The following CD163 variants were observed in gnomAD, a reference collection of about 807,000 sequenced individuals.
CD163 encodes the protein CD163 molecule.
CD163 carries 64 observed loss-of-function variants against 129.2 expected under a neutral mutation model. That is an observed-to-expected ratio of 0.50 (90% CI 0.41 to 0.61). CD163 has a LOEUF of 0.61. Among genes scored for constraint, CD163 ranks in the 20% least tolerant of loss-of-function variants. The pLI is 0.00. For missense variants in CD163, 1,061 were observed against 1,377.9 expected (o/e 0.77, Z 3.64); for synonymous variants, 446 against 478.5 (o/e 0.93, Z 0.89).
Position 7,471,203 on chromosome 12 carries a change from A to G in CD163, c.*226T>C, listed in dbSNP as rs996558621. On this transcript the variant is annotated 3_prime_UTR_variant, in exon 17 of 17. Coordinates refer to ENST00000432237, the MANE Select transcript of CD163 (RefSeq NM_203416.4). ...AATAACATTCTTATTTATTTATTTA[A>G]TTCCCTTGAAAGTCTCATATACACC... 4 of 152,326 alleles carry G rather than the reference A, an allele frequency of 2.6e-5. No homozygotes were observed. Among genetic ancestry groups the G allele is most frequent in the Non-Finnish European group, 4.4e-5 (3 of 68,016 alleles). 9.4% of individuals were successfully genotyped at this position (152,326 alleles called of 1,614,324 possible). A position where few individuals can be genotyped will look rare whatever the true frequency, so the allele number is the denominator to read the frequency against.
intron 6 of CD163, 85 bp from the exon 7 acceptor site, chr12:7,488,172 T>C: frequency 1.4e-6 from 2 of 1,392,126 alleles, no homozygotes; most frequent in Non-Finnish European, 1.9e-6. Flanking sequence ...TGGTGTGGAG[T>C]GGGAAATGGA....
intron 3 of CD163, among the ~76,000 whole-genome samples, chr12:7,500,421 C>CA (rs71953455): frequency 0.039 from 2,481 of 64,038 alleles, 168 homozygotes; most frequent in African/African-American, 0.12. Flanking sequence ...CAATTCGTCC[C>CA]AAAAAAAAAA....
intron 6 of CD163, among the ~76,000 whole-genome samples, chr12:7,490,114 A>G (rs1949308185): frequency 6.6e-6 from 1 of 152,052 alleles, no homozygotes; most frequent in Non-Finnish European, 1.5e-5. Context: ...ACCCAAAAAT[A>G]GAAATATGTA....
intron 12 of CD163, 133 bp from the exon 13 acceptor site, chr12:7,483,137 T>G: frequency 2.2e-6 from 2 of 930,012 alleles, no homozygotes; most frequent in Non-Finnish European, 3.3e-6. Flanking sequence ...ACTAGAGTCC[T>G]CTAGTCTTTC....
rs1238758995 is a variant in CD163 at position 7,499,116 on chromosome 12, T to G, written c.530A>C (p.Gln177Pro). 6.2e-7 allele frequency: 1 copy of G among 1,614,086 alleles called. No individual in the cohort carries two copies. The highest frequency in any genetic ancestry group is 1.7e-5 in the Admixed American group (1 of 60,018). The change falls in exon 4 of 17, where the codon CAA (glutamine) becomes CCA (proline). Residue 177 changes from glutamine to proline, a missense_variant. Gln to Pro is a moderately conservative substitution (Grantham distance 76). Transcript: ENST00000432237. ...ATCACACACTGTTCCCCACCGTCCT[T>G]GGAATTTGATCTCTATTCTTCCAGA... ...MCSGRIEIKF[Q>P]GRWGTVCDDN...
At chr12:7,495,453 CA>C in intron 5 of CD163, 52 bp from the exon 6 acceptor site, 1 of 1,529,120 alleles carries the variant, frequency 6.5e-7, no homozygotes, top group Non-Finnish European at 8.9e-7. Flanking sequence ...GGTTAGCTTC[CA>C]GAGGATTTTT....
At position 7,501,262 on chromosome 12, in the gene CD163, G is replaced by A. The variant is rs139475382; in HGVS notation, c.334C>T (p.Arg112Cys). ...CAAGAAACATGATCCATCCAAATGCGTCCAGAACCTGCACTGGAATTAGCC... is the reference window on the plus strand; with the variant it reads ...CAAGAAACATGATCCATCCAAATGCATCCAGAACCTGCACTGGAATTAGCC... Reference protein sequence around the residue: ...GWANSSAGSGRIWMDHVSCRG... With the variant: ...GWANSSAGSGCIWMDHVSCRG... The change falls in exon 3 of 17, where the codon CGC becomes TGC. Residue 112 changes from arginine (R) to cysteine (C), a missense_variant. Coordinates refer to ENST00000432237, the MANE Select transcript of CD163 (RefSeq NM_203416.4). 1.2e-5 allele frequency: 20 copies of A among 1,613,994 alleles called. No homozygotes were observed. The highest frequency in any genetic ancestry group is 4.0e-5 in the African/African-American group (3 of 74,904).
Position 7,498,983 on chromosome 12 carries a change from G to C in CD163, c.663C>G (p.Ile221Met). ...CGTTGCATATAAGATCATCAAACCA[G>C]ATTGGTCCAGAGCCTTCTCCAAAAT... The part of the protein sequence containing the change: ...SSNFGEGSGP[I>M]WFDDLICNGN... Residue 221 changes from isoleucine (I) to methionine (M), a missense_variant, in exon 4 of 17, where the codon ATC becomes ATG. Transcript: ENST00000432237. The C allele has an allele frequency of 6.2e-7, 1 of 1,614,064 alleles. No individual in the cohort carries two copies. Among genetic ancestry groups the C allele is most frequent in the Non-Finnish European group, 8.5e-7 (1 of 1,179,990 alleles).
chr12:7,499,425 CTTTCTGT>C (rs1226011385), intron 3 of CD163, among the ~76,000 whole-genome samples: 1 of 147,720 alleles, frequency 6.8e-6, no homozygotes, highest in Non-Finnish European at 1.5e-5. Context: ...AGTTTTTAAA[CTTTCTGT>C]TTTGTTTTGT....
Position 7,501,292 on chromosome 12 carries a change from C to A in CD163, c.304G>T (p.Gly102Ter). Residue 102 changes from glycine to a stop codon, truncating the protein, a stop_gained, in exon 3 of 17, where the codon GGA (glycine) becomes TGA (stop). Transcript: ENST00000432237. LOFTEE classifies it high-confidence loss of function. ...GAACCTGCACTGGAATTAGCCCATC[C>A]AGGGGCTTTGATAGCAGTTGGACAT... The part of the protein sequence containing the change: ...LGCPTAIKAP[G>*]WANSSAGSGR... The A allele has an allele frequency of 6.2e-7, 1 of 1,614,178 alleles. No individual in the cohort carries two copies. The highest frequency in any genetic ancestry group is 8.5e-7 in the Non-Finnish European group (1 of 1,180,024).
At position 7,486,500 on chromosome 12, in the gene CD163, T is replaced by C. The variant is rs771054501; in HGVS notation, c.2457A>G (p.Ser819=). The C allele has an allele frequency of 2.5e-6, 4 of 1,612,552 alleles. No homozygotes were observed. Among genetic ancestry groups the C allele is most frequent in the African/African-American group, 2.7e-5 (2 of 74,934 alleles). The change falls in exon 10 of 17, where the codon TCA becomes TCG. Residue 819 remains serine (S), a splice_region_variant and synonymous_variant. Coordinates refer to ENST00000432237, the MANE Select transcript of CD163 (RefSeq NM_203416.4). ...CCAAAGGTCATATGCATAATTTACCTGAGCAGATAACTCCCGCATCCTCCT... is the reference window on the plus strand; with the variant it reads ...CCAAAGGTCATATGCATAATTTACCCGAGCAGATAACTCCCGCATCCTCCT... ...RHKEDAGVIC[S]EFMSLRLTSE... is the part of the protein sequence containing the mutation.
chr12:7,481,019 C>T, intron 15 of CD163, 142 bp downstream of exon 15: 1 of 1,360,830 alleles, frequency 7.3e-7, no homozygotes, highest in East Asian at 2.6e-5. Flanking sequence ...AATTTTCAGT[C>T]ATTCTTGTCC....
rs759205169 is a variant in CD163, at chr12:7,496,410, G to A, written c.1099+403C>T. Among the ~76,000 whole-genome samples the A allele has an allele frequency of 4.6e-5, 7 of 152,222 alleles. No individual in the cohort carries two copies. The highest frequency in any genetic ancestry group is 2.1e-4 in the South Asian group (1 of 4,822). On this transcript the variant is annotated intron_variant, in intron 5 of 16. Coordinates refer to ENST00000432237, the MANE Select transcript of CD163 (RefSeq NM_203416.4). This position sits in a 1 kb window ranked among gnomAD's most constrained non-coding sequence, Gnocchi z 4.8. Reference sequence around the variant, plus strand: ...TAAAACCTAGATGACAGGTTGATACGTGAAGCAGACCACCATGGAACATGT... The same window carrying A: ...TAAAACCTAGATGACAGGTTGATACATGAAGCAGACCACCATGGAACATGT...
In CD163 at chr12:7,499,074, T is replaced by A; in HGVS notation, c.572A>T (p.Asp191Val). The A allele has an allele frequency of 6.2e-7, 1 of 1,614,140 alleles. No individual in the cohort carries two copies. The highest frequency in any genetic ancestry group is 8.5e-7 in the Non-Finnish European group (1 of 1,179,992). ...TTGTCTACAAATGACAGATGCATGA[T>A]CTATGTTGAAGTTATCATCACACAC... ...GTVCDDNFNI[D>V]HASVICRQLE... is the part of the protein sequence containing the mutation. Residue 191 changes from aspartate (D) to valine (V), a missense_variant, in exon 4 of 17, where the codon GAT becomes GTT. Physicochemically the swap from Asp to Val is radical, Grantham distance 152. Transcript: ENST00000432237.
At position 7,487,912 on chromosome 12, in the gene CD163, G is replaced by C. The variant is rs979256268; in HGVS notation, c.1596C>G (p.His532Gln). ...GTVVSILGGA[H>Q]FGEGNGQIWA... ...AGATCTGTCCATTTCCCTCTCCAAA[G>C]TGAGCTCCCCCCAGGATAGAGACAA... Residue 532 changes from histidine to glutamine, a missense_variant, in exon 7 of 17, where the codon CAC becomes CAG. Physicochemically the swap from His to Gln is conservative, Grantham distance 24. Transcript: ENST00000432237. The surrounding 1 kb of genome is among the most constrained non-coding windows in gnomAD (Gnocchi z 5.1). The C allele has an allele frequency of 6.2e-7, 1 of 1,613,930 alleles. No homozygotes were observed. The highest frequency in any genetic ancestry group is 1.3e-5 in the African/African-American group (1 of 74,878).
chr12:7,481,561 C>A (rs1162455869), intron 14 of CD163, among the ~76,000 whole-genome samples: 1 of 152,076 alleles, frequency 6.6e-6, no homozygotes, highest in Non-Finnish European at 1.5e-5. Flanking sequence ...CTTTCCTCTC[C>A]CCTCCATTCT....
At position 7,487,150 on chromosome 12, in the gene CD163, C is replaced by T. The variant is rs902205281; in HGVS notation, c.2051-164G>A. ...CAGGTGCTTTGAGATGGGCTTGGCA[C>T]ATAGTAAGCACTGGATAACTAAGAA... On this transcript the variant is annotated intron_variant, in intron 8 of 16. Coordinates refer to ENST00000432237, the MANE Select transcript of CD163 (RefSeq NM_203416.4). The surrounding 1 kb of genome is among the most constrained non-coding windows in gnomAD (Gnocchi z 5.1). Among the ~76,000 whole-genome samples the T allele has an allele frequency of 2.0e-5, 3 of 152,164 alleles. No individual in the cohort carries two copies. Among genetic ancestry groups the T allele is most frequent in the Non-Finnish European group, 4.4e-5 (3 of 68,028 alleles).
Position 7,495,282 on chromosome 12 carries a change from C to T in CD163, c.1219G>A (p.Ala407Thr). 3 of 1,614,116 alleles carry T rather than the reference C, an allele frequency of 1.9e-6. No homozygotes were observed. Among genetic ancestry groups the T allele is most frequent in the Non-Finnish European group, 2.5e-6 (3 of 1,179,970 alleles). ...VCDRGWGLKE[A>T]DVVCRQLGCG... ...CCCAGCTGCCTGCAAACCACATCAGCTTCTTTCAGTCCCCAGCCTCTGTCA... is the reference window on the plus strand; with the variant it reads ...CCCAGCTGCCTGCAAACCACATCAGTTTCTTTCAGTCCCCAGCCTCTGTCA... The change falls in exon 6 of 17, where the codon GCT becomes ACT. Residue 407 changes from alanine (A) to threonine (T), a missense_variant. By Grantham distance (58) the Ala-to-Thr change is moderately conservative. Transcript: ENST00000432237.
chr12:7,485,262 G>C lies in CD163; in HGVS notation c.2613C>G (p.Asp871Glu). ...AAGATGCAGGGTTGATTTTCCCTTT[G>C]TCTGCACAGCCCAGCTGCCTGCACA... ...GVVCRQLGCA[D>E]KGKINPASLD... is the part of the protein sequence containing the mutation. Residue 871 changes from aspartate to glutamate, a missense_variant, in exon 11 of 17, where the codon GAC (aspartate) becomes GAG (glutamate). Asp to Glu is a conservative substitution (Grantham distance 45). Transcript: ENST00000432237. This position sits in a 1 kb window ranked among gnomAD's most constrained non-coding sequence, Gnocchi z 4.5. The C allele has an allele frequency of 2.5e-6, 4 of 1,614,158 alleles. No individual in the cohort carries two copies. The highest frequency in any genetic ancestry group is 3.4e-6 in the Non-Finnish European group (4 of 1,180,026).
Sources: allele counts gnomAD v4.1 joint callset (sites outside exome capture counted in the v4.1 genomes callset), GRCh38; gene constraint gnomAD v4.1.1; non-coding constraint Gnocchi (gnomAD v3.1); transcripts MANE v1.5; gene names NCBI Gene and HGNC (gene_info 2026-07-23, HGNC 2026-07-21).